The following LPIN1 variants were observed in gnomAD, a reference collection of about 807,000 sequenced individuals.
The protein encoded by LPIN1 is phosphatidate phosphatase LPIN1.
In LPIN1, 71 loss-of-function variants were observed where a neutral mutation model predicts 107.5. The observed-to-expected ratio is 0.66, with a 90% confidence interval of 0.55 to 0.80. The LOEUF is 0.80. Ranked by LOEUF, LPIN1 falls within the 30% of genes least tolerant of loss-of-function variation. LPIN1 has a pLI of 0.00. For missense variants in LPIN1, 1,043 were observed against 1,160.6 expected (o/e 0.90, Z 1.47); for synonymous variants, 445 against 452.6 (o/e 0.98, Z 0.21).
chr2:11,772,273 AC>A (rs1435914146), intron 4 of LPIN1, among the ~76,000 whole-genome samples: 6 of 152,102 alleles, frequency 3.9e-5, no homozygotes, highest in Admixed American at 3.9e-4. Context: ...AGGGGCATGG[AC>A]CCCAGGGGTT....
intron 1 of LPIN1, among the ~76,000 whole-genome samples, chr2:11,732,987 C>T (rs1665403941): frequency 1.3e-5 from 2 of 150,974 alleles, no homozygotes; most frequent in Non-Finnish European, 2.9e-5. Flanking sequence ...AATATTTCCA[C>T]ATATATTTGG....
At position 11,826,938 on chromosome 2, in the gene LPIN1, A is replaced by G. The variant is rs1381125352; in HGVS notation, c.*2147A>G. 6.5e-6 allele frequency: 1 copy of G among 152,682 alleles called. No individual in the cohort carries two copies. Among genetic ancestry groups the G allele is most frequent in the African/African-American group, 2.4e-5 (1 of 41,466 alleles). 9.5% of individuals were successfully genotyped at this position (152,682 alleles called of 1,614,324 possible). On this transcript the variant is annotated 3_prime_UTR_variant, in exon 21 of 21. Coordinates refer to ENST00000674199, the MANE Select transcript of LPIN1 (RefSeq NM_001349206.2). ...ATGTGAGCCCTGGCAAGGCTGGCATATTAACACCTGCCTTCTGGCTTCTGA... is the reference window on the plus strand; with the variant it reads ...ATGTGAGCCCTGGCAAGGCTGGCATGTTAACACCTGCCTTCTGGCTTCTGA...
At chr2:11,714,290 C>T (rs114139482) in intron 2 of LPIN1, among the ~76,000 whole-genome samples, 2,280 of 152,324 alleles carry the variant, frequency 0.015, 59 homozygotes, top group African/African-American at 0.049. Context: ...CTTTGCCTTG[C>T]ACCTGGTTCC....
chr2:11,763,372 A>G (rs1572656444), intron 1 of LPIN1: 1 of 153,342 alleles, frequency 6.5e-6, no homozygotes, highest in Non-Finnish European at 1.5e-5. Context: ...AGCCGGGCAG[A>G]GTGGACAGTG....
chr2:11,776,067 A>T lies in LPIN1; in HGVS notation c.723-19A>T. 6.8e-7 allele frequency: 1 copy of T among 1,465,634 alleles called. No individual in the cohort carries two copies. Among genetic ancestry groups the T allele is most frequent in the Non-Finnish European group, 9.3e-7 (1 of 1,073,340 alleles). 90.8% of individuals were successfully genotyped at this position (1,465,634 alleles called of 1,614,324 possible). A position where few individuals can be genotyped will look rare whatever the true frequency, so the allele number is the denominator to read the frequency against. ...TGATTTTGTCTTTCTTTTAATGTGT[A>T]TCACGTGGTGGTATCCAGTAGCCTG... On this transcript the variant is annotated intron_variant, in intron 5 of 20. Transcript: ENST00000674199.
chr2:11,726,474 C>T (rs75024134), intron 1 of LPIN1, among the ~76,000 whole-genome samples: 3,164 of 152,140 alleles, frequency 0.021, 123 homozygotes, highest in African/African-American at 0.072. Context: ...CGCTCTCCCC[C>T]GCCCCCCATC....
At chr2:11,759,389 C>G (rs551738046) in intron 1 of LPIN1, among the ~76,000 whole-genome samples, 24 of 151,664 alleles carry the variant, frequency 1.6e-4, no homozygotes, top group African/African-American at 5.8e-4. Context: ...TGACTCTTAA[C>G]GAGCCTGCTG....
At position 11,767,109 on chromosome 2, in the gene LPIN1, A is replaced by G. The variant is rs77892511; in HGVS notation, c.193-654A>G. ...TTGATGTGGCTAGTTTTAGAAGACA[A>G]TCTGCCACACAAATGGAAAGAAACA... On this transcript the variant is annotated intron_variant, in intron 2 of 20. Coordinates refer to ENST00000674199, the MANE Select transcript of LPIN1 (RefSeq NM_001349206.2). 4.4e-3 allele frequency among the ~76,000 whole-genome samples: 671 copies of G among 152,346 alleles called. 10 individuals carry two copies. Among genetic ancestry groups the G allele is most frequent in the Middle Eastern group, 0.024 (7 of 294 alleles).
intron 1 of LPIN1, among the ~76,000 whole-genome samples, chr2:11,694,113 C>G (rs1296947764): frequency 6.6e-6 from 1 of 151,758 alleles, no homozygotes; most frequent in East Asian, 1.9e-4. Context: ...GGATTACATG[C>G]GTGAGCCACC....
In LPIN1 at chr2:11,824,697, A is replaced by G. The variant is rs773099572; in HGVS notation, c.2687A>G (p.Asp896Gly). 6.2e-7 allele frequency: 1 copy of G among 1,614,108 alleles called. No homozygotes were observed. The change falls in exon 21 of 21, where the codon GAC (aspartate) becomes GGC (glycine). Residue 896 changes from aspartate (D) to glycine (G), a missense_variant. Coordinates refer to ENST00000674199, the MANE Select transcript of LPIN1 (RefSeq NM_001349206.2). ...FPLLKRSHSS[D>G]FPCSDTFSNF... ...TTGCTGAAAAGAAGCCATTCTTCAG[A>G]CTTTCCCTGTTCGGATACCTTCAGT...
intron 1 of LPIN1, among the ~76,000 whole-genome samples, chr2:11,693,773 T>TGC: frequency 7.7e-6 from 1 of 129,756 alleles, no homozygotes; most frequent in Middle Eastern, 4.0e-3. Context: ...GCCATATATG[T>TGC]GTGTGTGTGA....
chr2:11,765,689 G>A lies in LPIN1; in HGVS notation c.148G>A (p.Val50Ile), dbSNP rs1344457697. Residue 50 changes from valine (V) to isoleucine (I), a missense_variant, in exon 2 of 21, where the codon GTC (valine) becomes ATC (isoleucine). Val to Ile is a conservative substitution (Grantham distance 29). Transcript: ENST00000674199. This position sits in a 1 kb window ranked among gnomAD's most constrained non-coding sequence, Gnocchi z 4.4. Reference sequence around the variant, plus strand: ...AAACCTCCAATGCTCCCCTTTCCACGTCCGCTTTGGGAAGATGGGGGTCCT... The same window carrying A: ...AAACCTCCAATGCTCCCCTTTCCACATCCGCTTTGGGAAGATGGGGGTCCT... ...NGNLQCSPFHVRFGKMGVLRS... is the reference protein window; with the variant it reads ...NGNLQCSPFHIRFGKMGVLRS... 33 of 1,613,130 alleles carry A rather than the reference G, an allele frequency of 2.0e-5. No homozygotes were observed. The highest frequency in any genetic ancestry group is 2.7e-5 in the Non-Finnish European group (32 of 1,179,366).
rs559235262 is a variant in LPIN1, at chr2:11,769,035, A to G, written c.288+1177A>G. 1.5e-3 allele frequency among the ~76,000 whole-genome samples: 228 copies of G among 152,332 alleles called. 1 individual carries two copies. Among genetic ancestry groups the G allele is most frequent in the Non-Finnish European group, 2.6e-3 (177 of 68,034 alleles). On this transcript the variant is annotated intron_variant, in intron 3 of 20. Transcript: ENST00000674199. ...AAACAACATGGCTGTGAACATTTGT[A>G]TACAAGTTTTTGTGTGGACACGTGT...
chr2:11,786,412 C>A lies in LPIN1; in HGVS notation c.1550-662C>A, dbSNP rs74956607. The stretch of plus-strand genomic sequence containing the variant: ...ACCGCGGTCAAGGCTTAAGGTACAG[C>A]CCAGCTGCCAGAGCCCGTCAAAGAA... On this transcript the variant is annotated intron_variant, in intron 10 of 20. Transcript: ENST00000674199. This position sits in a 1 kb window ranked among gnomAD's most constrained non-coding sequence, Gnocchi z 4.1. Among the ~76,000 whole-genome samples the A allele has an allele frequency of 6.6e-6, 1 of 152,112 alleles. No individual in the cohort carries two copies. Among genetic ancestry groups the A allele is most frequent in the Non-Finnish European group, 1.5e-5 (1 of 68,018 alleles).
rs565011725 is a variant in LPIN1, at chr2:11,810,384, C to T, written c.2250-4704C>T. On this transcript the variant is annotated intron_variant, in intron 17 of 20. Coordinates refer to ENST00000674199, the MANE Select transcript of LPIN1 (RefSeq NM_001349206.2). ...AGCTCACCACAGGTGGAAGTAGGAG[C>T]GAGAGGGGAGGCTGGGAGACGAGCA... Among the ~76,000 whole-genome samples, 8 of 148,414 alleles carry T rather than the reference C, an allele frequency of 5.4e-5. No individual in the cohort carries two copies. The South Asian group carries it at 6.4e-4, about 12-fold the overall frequency.
intron 1 of LPIN1, among the ~76,000 whole-genome samples, chr2:11,726,934 T>G (rs183280426): frequency 1.9e-3 from 285 of 152,358 alleles, no homozygotes; most frequent in African/African-American, 4.7e-3. Context: ...TTCACGATTA[T>G]GCATTATTGG....
chr2:11,779,433 G>A (rs1673195538), intron 6 of LPIN1, 86 bp from the exon 7 acceptor site: 10 of 1,409,542 alleles, frequency 7.1e-6, no homozygotes, highest in South Asian at 1.2e-5. Context: ...TGCATTTTCT[G>A]GGCTATTTGA....
intron 1 of LPIN1, among the ~76,000 whole-genome samples, 160 bp downstream of exon 1, chr2:11,746,831 C>G (rs978735775): frequency 1.3e-5 from 2 of 151,914 alleles, no homozygotes; most frequent in African/African-American, 2.4e-5. Context: ...CCCCGGGGCC[C>G]TCTACGGGAA....
At chr2:11,713,899 G>T in intron 2 of LPIN1, 1 of 951,208 alleles carries the variant, frequency 1.1e-6, no homozygotes, top group Non-Finnish European at 1.6e-6. Context: ...GTGGTTTGTC[G>T]CCATGGCTAT....
Sources: gnomAD v4.1 joint callset for allele counts (sites outside exome capture counted in the v4.1 genomes callset) on GRCh38, gnomAD v4.1.1 for gene constraint, Gnocchi (gnomAD v3.1) non-coding constraint, MANE v1.5 for transcripts, NCBI Gene and HGNC (gene_info 2026-07-23, HGNC 2026-07-21) for gene names.